MEF2A: variants seen among roughly 807,000 people sequenced by gnomAD.
The protein encoded by MEF2A is myocyte enhancer factor 2A.
In MEF2A, 28 loss-of-function variants were observed where a neutral mutation model predicts 55.8. That is an observed-to-expected ratio of 0.50 (90% CI 0.37 to 0.69). The LOEUF (loss-of-function observed/expected upper bound fraction) is 0.69, where lower values mean the gene tolerates loss of function less well. MEF2A is among the 30% of genes least tolerant of loss of function. MEF2A has a pLI of 0.00. For missense variants in MEF2A, 528 were observed against 626.2 expected (o/e 0.84, Z 1.67); for synonymous variants, 239 against 227.1 (o/e 1.05, Z -0.47).
chr15:99,685,297 T>G (rs757763687), intron 7 of MEF2A, among the ~76,000 whole-genome samples: 2 of 152,260 alleles, frequency 1.3e-5, no homozygotes, highest in Non-Finnish European at 2.9e-5. Context: ...TATGGCCATT[T>G]TCACAATATT....
chr15:99,622,610 C>T (rs2041372217), intron 2 of MEF2A, among the ~76,000 whole-genome samples: 1 of 151,796 alleles, frequency 6.6e-6, no homozygotes, highest in Non-Finnish European at 1.5e-5. Context: ...CCACTTTAAC[C>T]CTTTTAAAGT....
At chr15:99,616,325 C>CT (rs1176989266) in intron 2 of MEF2A, among the ~76,000 whole-genome samples, 2 of 152,040 alleles carry the variant, frequency 1.3e-5, no homozygotes, top group Non-Finnish European at 2.9e-5. Context: ...ATATTGATGA[C>CT]TGGGTTTTTT....
At chr15:99,579,233 T>C (rs1401275864) in intron 1 of MEF2A, among the ~76,000 whole-genome samples, 1 of 152,136 alleles carries the variant, frequency 6.6e-6, no homozygotes, top group Admixed American at 6.5e-5. Flanking sequence ...AGTTTTCATA[T>C]CATCAAATGC....
Position 99,712,459 on chromosome 15 carries a change from C to G in MEF2A, c.1206C>G (p.Ser402=), listed in dbSNP as rs1022155681. The change falls in exon 12 of 12, where the codon TCC becomes TCG. Residue 402 remains serine (S), a synonymous_variant. Transcript: ENST00000557942. This position sits in a 1 kb window ranked among gnomAD's most constrained non-coding sequence, Gnocchi z 4.1. ...INTNQNISIK[S]EPISPPRDRM... ...CCAACCAAAACATCAGCATCAAGTC[C>G]GAACCGATTTCACCTCCTCGGGATC... The G allele has an allele frequency of 1.3e-6, 2 of 1,551,462 alleles. No homozygotes were observed. The highest frequency in any genetic ancestry group is 2.7e-5 in the African/African-American group (2 of 72,970).
At chr15:99,583,281 G>C (rs571247423) in intron 1 of MEF2A, among the ~76,000 whole-genome samples, 10 of 152,174 alleles carry the variant, frequency 6.6e-5, no homozygotes, top group African/African-American at 2.4e-4. Context: ...GTCCTCTGAG[G>C]CTTCTTCCAG....
In MEF2A at chr15:99,633,096, G is replaced by A. The variant is rs775929013; in HGVS notation, c.-24G>A. 12 of 1,584,864 alleles carry A rather than the reference G, an allele frequency of 7.6e-6. No homozygotes were observed. The highest frequency in any genetic ancestry group is 4.6e-5 in the East Asian group (2 of 43,244). On this transcript the variant is annotated 5_prime_UTR_variant, in exon 3 of 12. Transcript: ENST00000557942. The stretch of plus-strand genomic sequence containing the variant: ...TTTGAATTAAATATTTGGAATATAA[G>A]GAAATAAGGAAAGTTGACTGAAAAT...
intron 5 of MEF2A, among the ~76,000 whole-genome samples, chr15:99,674,128 T>C (rs1025975108): frequency 2.6e-5 from 4 of 152,180 alleles, no homozygotes; most frequent in Admixed American, 2.0e-4. Flanking sequence ...CCTCTTAAAT[T>C]TGTCTTTATG....
intron 8 of MEF2A, chr15:99,690,701 C>A: frequency 3.6e-6 from 2 of 555,438 alleles, no homozygotes; most frequent in Admixed American, 2.2e-5. Context: ...ATAAGCCAGG[C>A]ATAGAAAGAT....
At chr15:99,596,528 A>G (rs1018419676) in intron 1 of MEF2A, among the ~76,000 whole-genome samples, 2 of 152,222 alleles carry the variant, frequency 1.3e-5, no homozygotes, top group African/African-American at 2.4e-5. Context: ...TCCGTTTCCA[A>G]ATAGAAACAA....
chr15:99,678,759 A>G (rs1237404734), intron 7 of MEF2A: 2 of 846,432 alleles, frequency 2.4e-6, no homozygotes, highest in African/African-American at 3.6e-5. Flanking sequence ...TAATGGAAAG[A>G]CTGATTGATT....
At chr15:99,644,466 G>A (rs1236054229) in intron 3 of MEF2A, among the ~76,000 whole-genome samples, 5 of 152,072 alleles carry the variant, frequency 3.3e-5, no homozygotes, top group South Asian at 2.1e-4. Flanking sequence ...AGTCATGCCC[G>A]TGAAAAAAAT....
intron 7 of MEF2A, among the ~76,000 whole-genome samples, chr15:99,676,238 A>T (rs2051996028): frequency 6.6e-6 from 1 of 152,206 alleles, no homozygotes. Flanking sequence ...GTGGAGTCTT[A>T]CTTAACAGAA....
At chr15:99,640,630 C>T (rs907489872) in intron 3 of MEF2A, among the ~76,000 whole-genome samples, 1 of 149,982 alleles carries the variant, frequency 6.7e-6, no homozygotes, top group Middle Eastern at 3.4e-3. Flanking sequence ...GATCATGGCT[C>T]ACTGCAGCCT....
chr15:99,590,442 A>G (rs1245874264), intron 1 of MEF2A, among the ~76,000 whole-genome samples: 1 of 143,908 alleles, frequency 6.9e-6, no homozygotes, highest in Non-Finnish European at 1.5e-5. Flanking sequence ...ATCTAGTATG[A>G]CAGTCTCTAC....
intron 4 of MEF2A, among the ~76,000 whole-genome samples, chr15:99,646,240 A>G (rs1418670168): frequency 6.6e-6 from 1 of 152,124 alleles, no homozygotes; most frequent in African/African-American, 2.4e-5. Context: ...TTCTTTGTTT[A>G]TCTGCTGCCT....
Position 99,714,392 on chromosome 15 carries a change from A to G in MEF2A, c.*1621A>G, listed in dbSNP as rs2058953099. ...GATTAGGGGAAAATAATCATGGGGA[A>G]AGGGATCTTTTTTCCTTGACCCTCT... On this transcript the variant is annotated 3_prime_UTR_variant, in exon 12 of 12. Transcript: ENST00000557942. 6.6e-6 allele frequency: 1 copy of G among 152,220 alleles called. No homozygotes were observed. Among genetic ancestry groups the G allele is most frequent in the African/African-American group, 2.4e-5 (1 of 41,450 alleles). 9.4% of individuals were successfully genotyped at this position (152,220 alleles called of 1,614,324 possible).
At chr15:99,578,010 A>C (rs1029690422) in intron 1 of MEF2A, among the ~76,000 whole-genome samples, 14 of 152,224 alleles carry the variant, frequency 9.2e-5, no homozygotes, top group African/African-American at 3.4e-4. Flanking sequence ...TAATTAAGGT[A>C]ATATCTGCTG....
intron 8 of MEF2A, among the ~76,000 whole-genome samples, chr15:99,697,554 T>C (rs1270989373): frequency 1.3e-5 from 2 of 152,002 alleles, no homozygotes; most frequent in African/African-American, 4.8e-5. Flanking sequence ...TGTTGAAGAC[T>C]GCAAAACACT....
chr15:99,586,289 C>T (rs1360345036), intron 1 of MEF2A, among the ~76,000 whole-genome samples: 1 of 152,130 alleles, frequency 6.6e-6, no homozygotes, highest in Non-Finnish European at 1.5e-5. Context: ...ATTTTACAGT[C>T]CCATCAGTAG....
Sources: allele counts gnomAD v4.1 joint callset (sites outside exome capture counted in the v4.1 genomes callset), GRCh38; gene constraint gnomAD v4.1.1; non-coding constraint Gnocchi (gnomAD v3.1); transcripts MANE v1.5; gene names NCBI Gene and HGNC (gene_info 2026-07-23, HGNC 2026-07-21).